VTI1A: variants seen among roughly 807,000 people sequenced by gnomAD.
The protein encoded by VTI1A is vesicle transport through interaction with t-SNAREs homolog 1A.
Under a neutral mutation model 34.9 loss-of-function variants are expected in VTI1A, and 22 were observed. The observed-to-expected ratio is 0.63, with a 90% CI of 0.45 to 0.90. The LOEUF (loss-of-function observed/expected upper bound fraction) is 0.90, where lower values mean the gene tolerates loss of function less well. Among genes scored for constraint, VTI1A ranks in the 40% least tolerant of loss-of-function variants. The pLI is 0.00. For synonymous variants in VTI1A, 87 were observed against 97.3 expected (o/e 0.89, Z 0.62); for missense variants, 268 against 275.6 (o/e 0.97, Z 0.20).
intron 7 of VTI1A, among the ~76,000 whole-genome samples, chr10:112,808,529 G>A (rs1220425818): frequency 1.3e-5 from 2 of 151,702 alleles, no homozygotes; most frequent in South Asian, 2.1e-4. Flanking sequence ...GGAGGCTGAG[G>A]CAGGAGAATC....
chr10:112,790,879 G>A (rs1852447889), intron 7 of VTI1A, among the ~76,000 whole-genome samples: 1 of 151,796 alleles, frequency 6.6e-6, no homozygotes, highest in Non-Finnish European at 1.5e-5. Context: ...TCTGTAGAAT[G>A]TGTTTGTAGA....
intron 5 of VTI1A, among the ~76,000 whole-genome samples, chr10:112,587,949 G>A (rs1844223846): frequency 1.3e-5 from 2 of 151,462 alleles, no homozygotes; most frequent in South Asian, 4.2e-4. Flanking sequence ...TGCTTTGTTG[G>A]TTTTAGTAAA....
intron 3 of VTI1A, among the ~76,000 whole-genome samples, chr10:112,494,509 CCTTTCCTCCTT>C (rs1049088298): frequency 1.1e-4 from 16 of 152,116 alleles, no homozygotes; most frequent in African/African-American, 3.6e-4. Flanking sequence ...CTTTCCTCTT[CCTTTCCTCCTT>C]CTTTCCTCCT....
intron 5 of VTI1A, among the ~76,000 whole-genome samples, chr10:112,655,128 G>A (rs1197452876): frequency 6.6e-6 from 1 of 152,092 alleles, no homozygotes; most frequent in Admixed American, 6.6e-5. Context: ...GCAACTTCTT[G>A]TCCCTCCACC....
rs1032394104 is a variant in VTI1A at position 112,447,247 on chromosome 10, T to A, written c.-127T>A. On this transcript the variant is annotated 5_prime_UTR_variant, in exon 1 of 8. Coordinates refer to ENST00000393077, the MANE Select transcript of VTI1A (RefSeq NM_145206.4). The stretch of plus-strand genomic sequence containing the variant: ...CAGGAAGCGGCTGGGTTGAGAGCTG[T>A]CCCCGGTTCTCCGTTCTGCTCTCGG... The A allele has an allele frequency of 8.9e-5, 87 of 975,438 alleles. No homozygotes were observed. Among genetic ancestry groups the A allele is most frequent in the Non-Finnish European group, 1.3e-4 (84 of 660,982 alleles). The allele number at this position is 975,438 out of a possible 1,614,324, so 60.4% of individuals were successfully genotyped here. A position where few individuals can be genotyped will look rare whatever the true frequency, so the allele number is the denominator to read the frequency against.
intron 7 of VTI1A, among the ~76,000 whole-genome samples, chr10:112,742,263 TG>T (rs11364096): frequency 0.15 from 22,919 of 152,186 alleles, 3,770 homozygotes; most frequent in African/African-American, 0.4. Flanking sequence ...ACAGTTGCCT[TG>T]ACTTTTGCCC....
intron 4 of VTI1A, among the ~76,000 whole-genome samples, chr10:112,537,315 A>ATATATATATATATATATATG: frequency 1.2e-5 from 1 of 86,150 alleles, no homozygotes. Flanking sequence ...ATCTAGGTAT[A>ATATATATATATATATATATG]TATATATATA....
intron 3 of VTI1A, among the ~76,000 whole-genome samples, chr10:112,488,901 GA>G (rs567620676): frequency 2.1e-3 from 319 of 151,904 alleles, no homozygotes; most frequent in African/African-American, 7.1e-3. Flanking sequence ...TTAATTAAAG[GA>G]AAAAAAGATG....
At chr10:112,507,901 C>T (rs184466428) in intron 3 of VTI1A, among the ~76,000 whole-genome samples, 7 of 152,260 alleles carry the variant, frequency 4.6e-5, no homozygotes, top group East Asian at 1.9e-4. Flanking sequence ...CACTCCACCA[C>T]GAATGAGAAC....
chr10:112,493,673 T>C (rs1007156354), intron 3 of VTI1A, among the ~76,000 whole-genome samples: 3 of 152,206 alleles, frequency 2.0e-5, no homozygotes, highest in Non-Finnish European at 2.9e-5. Flanking sequence ...GAGTCTATAT[T>C]ATAAATAGGT....
chr10:112,799,619 A>C (rs984781434), intron 7 of VTI1A, among the ~76,000 whole-genome samples: 4 of 152,148 alleles, frequency 2.6e-5, no homozygotes, highest in Admixed American at 2.6e-4. Flanking sequence ...CCAGGCTGGC[A>C]GGTGATGTGG....
rs181870991 is a variant in VTI1A, at chr10:112,601,528, A to G, written c.427+63198A>G. On this transcript the variant is annotated intron_variant, in intron 5 of 7. Transcript: ENST00000393077. ...CCAACCAGGCACCAATGCCTTGTCG[A>G]CTCTCTTTATTTACTGTGGTATGCA... is the stretch of plus-strand genomic sequence containing the variant. Among the ~76,000 whole-genome samples, 39 of 149,894 alleles carry G rather than the reference A, an allele frequency of 2.6e-4. 1 individual carries two copies. The East Asian group carries it at 7.1e-3, about 27-fold the overall frequency.
chr10:112,490,947 C>CT (rs1848800085), intron 3 of VTI1A, among the ~76,000 whole-genome samples: 2 of 152,096 alleles, frequency 1.3e-5, no homozygotes, highest in African/African-American at 2.4e-5. Flanking sequence ...TTCAACCCCC[C>CT]TGCCCACCCT....
At chr10:112,609,374 G>A (rs920842045) in intron 5 of VTI1A, among the ~76,000 whole-genome samples, 4 of 152,112 alleles carry the variant, frequency 2.6e-5, no homozygotes, top group Admixed American at 6.5e-5. Context: ...ACTTCTTTTG[G>A]GTAGTTAAAA....
At chr10:112,495,818 T>A (rs757364518) in intron 3 of VTI1A, among the ~76,000 whole-genome samples, 3 of 152,194 alleles carry the variant, frequency 2.0e-5, no homozygotes, top group Non-Finnish European at 2.9e-5. Flanking sequence ...TTTAGAATTG[T>A]ATTTAGAGTT....
chr10:112,597,743 G>C (rs1402393144), intron 5 of VTI1A, among the ~76,000 whole-genome samples: 1 of 123,858 alleles, frequency 8.1e-6, no homozygotes, highest in African/African-American at 3.1e-5. Context: ...TGTCGCCCAG[G>C]CTGGAGTGCA....
At chr10:112,837,776 GC>G in the VTI1A span, among the ~76,000 whole-genome samples, 3 of 152,164 alleles carry the variant, frequency 2.0e-5, no homozygotes, top group East Asian at 5.8e-4. Flanking sequence ...TCCTATTTGG[GC>G]TTTATAGGGA....
chr10:112,552,147 A>T (rs1198643845), intron 5 of VTI1A, among the ~76,000 whole-genome samples: 1 of 152,182 alleles, frequency 6.6e-6, no homozygotes, highest in Non-Finnish European at 1.5e-5. Flanking sequence ...CTGCTTTAAA[A>T]TTTTCAGACT....
At chr10:112,646,833 TACA>T (rs1238279161) in intron 5 of VTI1A, among the ~76,000 whole-genome samples, 1 of 152,162 alleles carries the variant, frequency 6.6e-6, no homozygotes, top group Non-Finnish European at 1.5e-5. Context: ...TGTTAGTTGA[TACA>T]ACACCTTTGG....
Sources: allele counts gnomAD v4.1 joint callset (sites outside exome capture counted in the v4.1 genomes callset), GRCh38; gene constraint gnomAD v4.1.1; transcripts MANE v1.5; gene names NCBI Gene and HGNC (gene_info 2026-07-23, HGNC 2026-07-21).